Variants in FHL2 observed in about 807,000 individuals in gnomAD.
FHL2 encodes four and a half LIM domains 2.
Under a neutral mutation model 32.7 loss-of-function variants are expected in FHL2, and 20 were observed. That is an observed-to-expected ratio of 0.61 (90% CI 0.43 to 0.89). The LOEUF (loss-of-function observed/expected upper bound fraction) is 0.89. Among genes scored for constraint, FHL2 ranks in the 40% least tolerant of loss-of-function variants. The pLI, the probability that FHL2 is intolerant of heterozygous loss-of-function variation, is 0.00. For synonymous variants in FHL2, 123 were observed against 128.1 expected, an observed-to-expected ratio of 0.96 and a Z score of 0.27; for missense variants, 311 against 358.6, an observed-to-expected ratio of 0.87 and a Z score of 1.07.
intron 1 of FHL2, among the ~76,000 whole-genome samples, chr2:105,420,608 C>A (rs879429374): frequency 6.6e-5 from 10 of 152,126 alleles, no homozygotes; most frequent in South Asian, 2.1e-4. Context: ...AGAGGGATGG[C>A]GAGGAGGAAC....
At position 105,399,037 on chromosome 2, in the gene FHL2, C is replaced by G; in HGVS notation, c.-271G>C. Reference sequence around the variant, plus strand: ...CGCGGGCGGCTGGTGGCTGCGGCTCCGCTGCCGGCCGAGTGGAGCGCTGCG... The same window carrying G: ...CGCGGGCGGCTGGTGGCTGCGGCTCGGCTGCCGGCCGAGTGGAGCGCTGCG... On this transcript the variant is annotated 5_prime_UTR_variant, in exon 1 of 7. Transcript: ENST00000530340. The G allele has an allele frequency of 6.7e-7, 1 of 1,495,282 alleles. No homozygotes were observed. The highest frequency in any genetic ancestry group is 8.9e-7 in the Non-Finnish European group (1 of 1,124,910). 92.6% of individuals were successfully genotyped at this position (1,495,282 alleles called of 1,614,324 possible).
At chr2:105,399,716 C>T, upstream of FHL2, 2 of 1,230,862 alleles carry the variant, frequency 1.6e-6, no homozygotes, top group East Asian at 2.6e-5. Context: ...CTCTGCGTGA[C>T]GCTGACGCTG....
At chr2:105,378,349 T>TC (rs956009677) in intron 3 of FHL2, 2 of 376,122 alleles carry the variant, frequency 5.3e-6, no homozygotes, top group South Asian at 4.1e-5. Context: ...GCGCAGCCTG[T>TC]CCCCCCACAC....
intron 1 of FHL2, among the ~76,000 whole-genome samples, chr2:105,433,742 C>T (rs986193750): frequency 4.6e-5 from 7 of 152,190 alleles, no homozygotes; most frequent in Non-Finnish European, 1.0e-4. Flanking sequence ...AGCACTCGAA[C>T]GCCAACAACT....
intron 4 of FHL2, among the ~76,000 whole-genome samples, chr2:105,371,170 G>A (rs1021516534): frequency 6.6e-6 from 1 of 152,106 alleles, no homozygotes; most frequent in African/African-American, 2.4e-5. Flanking sequence ...ATGTGTCAGC[G>A]TGGCTGGGCT....
Position 105,363,416 on chromosome 2 carries a change from A to G in FHL2, c.557T>C (p.Phe186Ser). 6.2e-7 allele frequency: 1 copy of G among 1,613,304 alleles called. No homozygotes were observed. Among genetic ancestry groups the G allele is most frequent in the Non-Finnish European group, 8.5e-7 (1 of 1,179,712 alleles). The change falls in exon 6 of 7, where the codon TTC becomes TCC. Residue 186 changes from phenylalanine to serine, a missense_variant. Transcript: ENST00000530340. ...CTGCTTCCTGCAGGCGGTGCACACG[A>G]AGCACTCCTTGTGCCAGGGCTGCTC... ...YREQPWHKEC[F>S]VCTACRKQLS...
intron 1 of FHL2, among the ~76,000 whole-genome samples, chr2:105,414,288 G>A (rs1397345514): frequency 6.6e-6 from 1 of 152,124 alleles, no homozygotes; most frequent in East Asian, 1.9e-4. Context: ...CTGCCCTTTA[G>A]GGTTTTCATG....
At chr2:105,383,521 G>A (rs997967841) in intron 3 of FHL2, among the ~76,000 whole-genome samples, 1 of 152,194 alleles carries the variant, frequency 6.6e-6, no homozygotes, top group Non-Finnish European at 1.5e-5. Context: ...TCTCATTTAA[G>A]TAGGTCAGGA....
chr2:105,396,708 C>T lies in FHL2; in HGVS notation c.-75-11G>A, dbSNP rs765161574. On this transcript the variant is annotated splice_polypyrimidine_tract_variant and intron_variant, in intron 1 of 6. Coordinates refer to ENST00000530340, the MANE Select transcript of FHL2 (RefSeq NM_001318895.3). ...CACAGTTCTCAGCCACTAGAGAAAG[C>T]ACACGTGTTTTGTTTCAGATGGTCA... The T allele has an allele frequency of 2.5e-6, 4 of 1,612,360 alleles. No individual in the cohort carries two copies. In the African/African-American group the frequency reaches 5.3e-5, roughly 22 times the overall value.
At chr2:105,384,279 G>A (rs749403623) in intron 3 of FHL2, among the ~76,000 whole-genome samples, 1 of 152,028 alleles carries the variant, frequency 6.6e-6, no homozygotes, top group Non-Finnish European at 1.5e-5. Flanking sequence ...CCTCAAACTG[G>A]ACATTTTTAT....
At chr2:105,433,928 A>C (rs145955233) in intron 1 of FHL2, among the ~76,000 whole-genome samples, 158 of 152,326 alleles carry the variant, frequency 1.0e-3, no homozygotes, top group African/African-American at 3.6e-3. Context: ...CCAAAAGAGA[A>C]CAAAGAGAAG....
intron 3 of FHL2, chr2:105,375,328 G>A (rs1681393798): frequency 6.6e-6 from 1 of 152,230 alleles, no homozygotes; most frequent in Admixed American, 6.5e-5. Flanking sequence ...CCTTTGTGAG[G>A]GGTGACCTCT....
At chr2:105,419,392 T>C (rs1477545440) in intron 1 of FHL2, among the ~76,000 whole-genome samples, 1 of 152,130 alleles carries the variant, frequency 6.6e-6, no homozygotes, top group African/African-American at 2.4e-5. Flanking sequence ...CCAAAGTCTA[T>C]TGCATCATTT....
At chr2:105,436,878 C>G (rs969679425) in intron 1 of FHL2, among the ~76,000 whole-genome samples, 1 of 152,108 alleles carries the variant, frequency 6.6e-6, no homozygotes, top group Non-Finnish European at 1.5e-5. Context: ...AATTTTACCT[C>G]TTTCTTTGGT....
intron 4 of FHL2, among the ~76,000 whole-genome samples, chr2:105,372,988 G>C (rs1681201143): frequency 6.6e-6 from 1 of 152,108 alleles, no homozygotes; most frequent in Admixed American, 6.5e-5. Context: ...AAAACCATGA[G>C]GGACACAGTC....
At chr2:105,398,708 C>CA in intron 1 of FHL2, 134 bp downstream of exon 1, 1 of 685,904 alleles carries the variant, frequency 1.5e-6, no homozygotes. Flanking sequence ...TCCCCACCCC[C>CA]AACCCCCAGG....
intron 4 of FHL2, among the ~76,000 whole-genome samples, chr2:105,371,722 T>TA (rs1681087664): frequency 6.6e-6 from 1 of 152,218 alleles, no homozygotes; most frequent in Non-Finnish European, 1.5e-5. Flanking sequence ...TGCTAACAGT[T>TA]AAAGTCTTTA....
chr2:105,363,234 C>T (rs1393244856), intron 6 of FHL2, 51 bp downstream of exon 6: 19 of 1,585,998 alleles, frequency 1.2e-5, no homozygotes, highest in Non-Finnish European at 1.6e-5. Flanking sequence ...AATGCTAGGC[C>T]TTGTTCAAGC....
At chr2:105,426,490 T>C (rs1199271268) in intron 1 of FHL2, among the ~76,000 whole-genome samples, 1 of 152,210 alleles carries the variant, frequency 6.6e-6, no homozygotes, top group Non-Finnish European at 1.5e-5. Context: ...CCAGACATCC[T>C]GCCTAGGGTC....
Sources: allele counts gnomAD v4.1 joint callset (sites outside exome capture counted in the v4.1 genomes callset), GRCh38; gene constraint gnomAD v4.1.1; transcripts MANE v1.5; gene names NCBI Gene and HGNC (gene_info 2026-07-23, HGNC 2026-07-21).